Variants in SPIDR observed in about 807,000 individuals in gnomAD.
SPIDR encodes scaffold protein involved in DNA repair, also known as DNA repair-scaffolding protein.
In SPIDR, 93 loss-of-function variants were observed where a neutral mutation model predicts 104.6. That is an observed-to-expected ratio of 0.89 (90% CI 0.75 to 1.06). The LOEUF (loss-of-function observed/expected upper bound fraction) is 1.06. Ranked by LOEUF, SPIDR falls within the 50% of genes least tolerant of loss-of-function variation. The probability of loss-of-function intolerance (pLI) is 0.00; values close to 1 mark genes in which losing one functional copy is unlikely to be tolerated. For missense variants in SPIDR, 1,154 were observed against 1,111.2 expected, an observed-to-expected ratio of 1.04 and a Z score of -0.55; for synonymous variants, 431 against 416.9, an observed-to-expected ratio of 1.03 and a Z score of -0.41.
chr8:47,501,548 GAT>G, intron 8 of SPIDR, among the ~76,000 whole-genome samples: 2 of 152,190 alleles, frequency 1.3e-5, no homozygotes, highest in Non-Finnish European at 2.9e-5. Flanking sequence ...TTTGGGCTGA[GAT>G]GATGGGGTTT....
chr8:47,668,480 A>AG (rs1319274890), intron 10 of SPIDR, among the ~76,000 whole-genome samples: 1 of 152,156 alleles, frequency 6.6e-6, no homozygotes. Context: ...TTAAAAAAAA[A>AG]AAAAATTCCT....
intron 8 of SPIDR, among the ~76,000 whole-genome samples, chr8:47,502,548 C>G (rs2080694864): frequency 6.6e-6 from 1 of 152,108 alleles, no homozygotes; most frequent in Admixed American, 6.6e-5. Context: ...ATTAGTCTTG[C>G]TAGCAGTCTA....
rs1037950120 is a variant in SPIDR at position 47,729,795 on chromosome 8, T to C, written c.2604+330T>C. 4.7e-4 allele frequency: 112 copies of C among 237,368 alleles called. 1 individual carries two copies. Among genetic ancestry groups the C allele is most frequent in the African/African-American group, 2.4e-3 (107 of 44,466 alleles). The allele number at this position is 237,368 out of a possible 1,614,324, so 14.7% of individuals were successfully genotyped here. A position where few individuals can be genotyped will look rare whatever the true frequency, so the allele number is the denominator to read the frequency against. On this transcript the variant is annotated intron_variant, in intron 19 of 19. Transcript: ENST00000297423. ...GCACAGTGGCGTGATCTCAGCTCACTGCAACCTCCGCCTCCCAGGTTCAAG... is the reference window on the plus strand; with the variant it reads ...GCACAGTGGCGTGATCTCAGCTCACCGCAACCTCCGCCTCCCAGGTTCAAG...
At chr8:47,340,375 T>G (rs1587302198) in intron 5 of SPIDR, among the ~76,000 whole-genome samples, 1 of 151,652 alleles carries the variant, frequency 6.6e-6, no homozygotes, top group South Asian at 2.1e-4. Context: ...GAGGCCGAGG[T>G]GGGTAGATCA....
At chr8:47,632,847 G>T (rs568063107) in intron 10 of SPIDR, among the ~76,000 whole-genome samples, 1 of 152,336 alleles carries the variant, frequency 6.6e-6, no homozygotes, top group Non-Finnish European at 1.5e-5. Context: ...GGAGAGGACA[G>T]TATCTCCAAG....
At chr8:47,692,363 C>G (rs2078773537) in intron 11 of SPIDR, among the ~76,000 whole-genome samples, 1 of 152,082 alleles carries the variant, frequency 6.6e-6, no homozygotes, top group Admixed American at 6.5e-5. Flanking sequence ...CTTTCCGTCT[C>G]TGTGGATTTG....
At chr8:47,699,676 T>C (rs954858443) in intron 11 of SPIDR, among the ~76,000 whole-genome samples, 2 of 152,276 alleles carry the variant, frequency 1.3e-5, no homozygotes, top group South Asian at 4.1e-4. Flanking sequence ...TGCCTCAACC[T>C]CCCGAGTAGC....
chr8:47,350,995 T>A (rs1371738043), intron 5 of SPIDR, among the ~76,000 whole-genome samples: 4 of 152,208 alleles, frequency 2.6e-5, no homozygotes, highest in Admixed American at 2.6e-4. Flanking sequence ...TCCCCTGTTT[T>A]GTCCCACCTG....
At chr8:47,480,936 A>T (rs1554726658) in intron 8 of SPIDR, among the ~76,000 whole-genome samples, 1 of 152,254 alleles carries the variant, frequency 6.6e-6, no homozygotes, top group Non-Finnish European at 1.5e-5. Flanking sequence ...GAATGTTGAT[A>T]AAAGCAACCA....
chr8:47,386,185 T>C (rs1433857335), intron 5 of SPIDR, among the ~76,000 whole-genome samples: 2 of 152,114 alleles, frequency 1.3e-5, no homozygotes, highest in African/African-American at 4.8e-5. Flanking sequence ...TTGGGTATAC[T>C]TCAGGAATAT....
intron 5 of SPIDR, among the ~76,000 whole-genome samples, chr8:47,306,956 A>G (rs143772689): frequency 6.6e-6 from 1 of 152,130 alleles, no homozygotes; most frequent in African/African-American, 2.4e-5. Context: ...CTGTCTTTTA[A>G]TTTTCAAACT....
At chr8:47,679,855 T>A (rs2076884984) in intron 11 of SPIDR, among the ~76,000 whole-genome samples, 2 of 152,264 alleles carry the variant, frequency 1.3e-5, no homozygotes, top group Admixed American at 1.3e-4. Context: ...TACCGTTATA[T>A]TTTCTGTAGA....
At chr8:47,489,602 T>C (rs1254046790) in intron 8 of SPIDR, among the ~76,000 whole-genome samples, 1 of 152,116 alleles carries the variant, frequency 6.6e-6, no homozygotes, top group Non-Finnish European at 1.5e-5. Flanking sequence ...CTTTAAACTA[T>C]ACTACAAGGC....
At chr8:47,585,381 G>T (rs2060155726) in intron 8 of SPIDR, among the ~76,000 whole-genome samples, 1 of 152,136 alleles carries the variant, frequency 6.6e-6, no homozygotes, top group African/African-American at 2.4e-5. Context: ...TGATTGAGAG[G>T]AATGTTGTTT....
chr8:47,590,173 CAAA>C (rs59910930), intron 8 of SPIDR, among the ~76,000 whole-genome samples: 2 of 100,512 alleles, frequency 2.0e-5, no homozygotes, highest in Admixed American at 1.1e-4. Context: ...GACTCTGTCT[CAAA>C]AAAAAAAAAA....
At chr8:47,387,794 C>G (rs1372519820) in intron 5 of SPIDR, among the ~76,000 whole-genome samples, 2 of 152,206 alleles carry the variant, frequency 1.3e-5, no homozygotes, top group East Asian at 1.9e-4. Context: ...TTTGCAGTCT[C>G]CACAACAGTC....
chr8:47,395,576 C>T (rs2061157583), intron 5 of SPIDR, among the ~76,000 whole-genome samples: 2 of 152,156 alleles, frequency 1.3e-5, no homozygotes, highest in Admixed American at 1.3e-4. Context: ...AAAATAAAAT[C>T]CTATTGTGCT....
chr8:47,312,041 A>G (rs1485170216), intron 5 of SPIDR, among the ~76,000 whole-genome samples: 1 of 152,156 alleles, frequency 6.6e-6, no homozygotes. Flanking sequence ...CCTACAAAGG[A>G]CATGAACTCT....
At chr8:47,600,152 C>G (rs999649695) in intron 10 of SPIDR, among the ~76,000 whole-genome samples, 3 of 152,232 alleles carry the variant, frequency 2.0e-5, no homozygotes, top group Non-Finnish European at 4.4e-5. Context: ...AGTATAGATG[C>G]TACTTCATCA....
Sources: gnomAD v4.1 joint callset for allele counts (sites outside exome capture counted in the v4.1 genomes callset) on GRCh38, gnomAD v4.1.1 for gene constraint, MANE v1.5 for transcripts, NCBI Gene and HGNC (gene_info 2026-07-23, HGNC 2026-07-21) for gene names.